KCNN3: variants seen among roughly 807,000 people sequenced by gnomAD.
KCNN3 encodes small conductance calcium-activated potassium channel protein 3.
A neutral mutation model predicts 62.9 loss-of-function variants in KCNN3; 16 were observed. That is an observed-to-expected ratio of 0.25 (90% CI 0.17 to 0.39). KCNN3 has a LOEUF of 0.39. Ranked by LOEUF, KCNN3 falls within the 10% of genes least tolerant of loss-of-function variation. KCNN3 has a pLI of 1.00. For synonymous variants in KCNN3, 370 were observed against 389.2 expected (o/e 0.95, Z 0.58); for missense variants, 599 against 949.4 (o/e 0.63, Z 4.85).
chr1:154,789,667 G>C lies in KCNN3; in HGVS notation c.1030-17274C>G, dbSNP rs533124438. Among the ~76,000 whole-genome samples, 7 of 152,272 alleles carry C rather than the reference G, an allele frequency of 4.6e-5. No individual in the cohort carries two copies. In the South Asian group the frequency reaches 1.5e-3, roughly 32 times the overall value. On this transcript the variant is annotated intron_variant, in intron 2 of 7. Transcript: ENST00000271915. ...CTCCTTCACACCTGCCCTGCCATCG[G>C]AGAGGCGGCACTCAGGACAGGCAGG...
intron 3 of KCNN3, among the ~76,000 whole-genome samples, chr1:154,770,653 A>G (rs1571258378): frequency 6.6e-6 from 1 of 152,326 alleles, no homozygotes; most frequent in African/African-American, 2.4e-5. Flanking sequence ...TAAAATGAGG[A>G]AACTGTAGCC....
intron 3 of KCNN3, among the ~76,000 whole-genome samples, chr1:154,754,561 T>C (rs974345512): frequency 7.2e-5 from 11 of 152,188 alleles, no homozygotes; most frequent in Non-Finnish European, 1.3e-4. Flanking sequence ...GAAATGTCCT[T>C]AACAAGAAAG....
At position 154,726,818 on chromosome 1, in the gene KCNN3, C is replaced by T. The variant is rs117855776; in HGVS notation, c.1591-792G>A. 1.6e-4 allele frequency among the ~76,000 whole-genome samples: 24 copies of T among 152,280 alleles called. No homozygotes were observed. The East Asian group carries it at 3.7e-3, about 23-fold the overall frequency. On this transcript the variant is annotated intron_variant, in intron 4 of 7. Transcript: ENST00000271915. ...AGACCCTTGGGATTTTCTGGAACAG[C>T]GATCCTAGTCTGCTCGGTAGGTCCG...
intron 4 of KCNN3, 131 bp from the exon 5 acceptor site, chr1:154,726,157 T>TG: frequency 3.0e-6 from 2 of 665,086 alleles, no homozygotes. Flanking sequence ...GCTCTCTGGC[T>TG]GGTCACGACC....
intron 1 of KCNN3, among the ~76,000 whole-genome samples, chr1:154,833,345 G>A (rs1651449660): frequency 6.6e-6 from 1 of 152,192 alleles, no homozygotes; most frequent in African/African-American, 2.4e-5. Flanking sequence ...AGGCTCCACA[G>A]ACATCTCTGG....
chr1:154,863,670 A>T (rs1004642969), intron 1 of KCNN3, among the ~76,000 whole-genome samples: 1 of 152,186 alleles, frequency 6.6e-6, no homozygotes, highest in Admixed American at 6.5e-5. Flanking sequence ...ATATTTTTTT[A>T]AAGCAGATCT....
intron 3 of KCNN3, among the ~76,000 whole-genome samples, chr1:154,762,936 G>A (rs1285885792): frequency 2.6e-5 from 4 of 152,102 alleles, no homozygotes; most frequent in Non-Finnish European, 5.9e-5. Context: ...TTTCTTTCTC[G>A]TATATTGGGT....
intron 1 of KCNN3, among the ~76,000 whole-genome samples, chr1:154,843,698 G>A (rs76102976): frequency 0.14 from 21,743 of 152,180 alleles, 1,562 homozygotes; most frequent in South Asian, 0.18. Context: ...AAACCAGGCG[G>A]GGTAGGTGGG....
At chr1:154,732,384 T>C (rs945175594) in intron 4 of KCNN3, among the ~76,000 whole-genome samples, 2 of 152,188 alleles carry the variant, frequency 1.3e-5, no homozygotes, top group African/African-American at 4.8e-5. Flanking sequence ...GGAGATGGGA[T>C]CACAGCCTTG....
chr1:154,832,958 T>A (rs1651433002), intron 1 of KCNN3, among the ~76,000 whole-genome samples: 1 of 152,198 alleles, frequency 6.6e-6, no homozygotes, highest in African/African-American at 2.4e-5. Flanking sequence ...TGAAATAATG[T>A]TGATTTTCAT....
intron 5 of KCNN3, among the ~76,000 whole-genome samples, chr1:154,720,473 G>GTCT (rs1557941212): frequency 6.6e-6 from 1 of 152,204 alleles, no homozygotes; most frequent in Non-Finnish European, 1.5e-5. Context: ...TCCATTAGCA[G>GTCT]TCTTTAGCTA....
At chr1:154,712,332 C>T (rs1204888195) in intron 7 of KCNN3, among the ~76,000 whole-genome samples, 1 of 152,084 alleles carries the variant, frequency 6.6e-6, no homozygotes, top group East Asian at 1.9e-4. Flanking sequence ...TGCCCACGTT[C>T]CACTCCCACC....
chr1:154,804,123 T>C (rs1338985033), intron 2 of KCNN3, among the ~76,000 whole-genome samples: 7 of 152,208 alleles, frequency 4.6e-5, no homozygotes, highest in Non-Finnish European at 1.0e-4. Context: ...AGGGTAGGGC[T>C]AGGATTTGAA....
At chr1:154,838,562 A>G (rs1471733965) in intron 1 of KCNN3, among the ~76,000 whole-genome samples, 2 of 151,602 alleles carry the variant, frequency 1.3e-5, no homozygotes, top group African/African-American at 4.8e-5. Flanking sequence ...GTTTCCCTCA[A>G]CCTTTCCATG....
At position 154,768,539 on chromosome 1, in the gene KCNN3, A is replaced by G. The variant is rs375923899; in HGVS notation, c.1448+3436T>C. On this transcript the variant is annotated intron_variant, in intron 3 of 7. Transcript: ENST00000271915. ...GCAGTGGTAACAGAGGCCTTAGGCG[A>G]TCCCTCAGGGACCCTGGAGCCTGGC... 4.6e-5 allele frequency among the ~76,000 whole-genome samples: 7 copies of G among 152,290 alleles called. No individual in the cohort carries two copies. In the East Asian group the frequency reaches 1.3e-3, roughly 29 times the overall value.
chr1:154,809,701 T>C lies in KCNN3; in HGVS notation c.1029+12388A>G, dbSNP rs1650321085. On this transcript the variant is annotated intron_variant, in intron 2 of 7. Coordinates refer to ENST00000271915, the MANE Select transcript of KCNN3 (RefSeq NM_002249.6). The surrounding 1 kb of genome is among the most constrained non-coding windows in gnomAD (Gnocchi z 4.3). ...GACTAGAATGAAGGGCTGAAACAGC[T>C]GCAGGGAAACGTAACAGAAGAAAAT... is the stretch of plus-strand genomic sequence containing the variant. 6.6e-6 allele frequency among the ~76,000 whole-genome samples: 1 copy of C among 152,126 alleles called. No individual in the cohort carries two copies. Among genetic ancestry groups the C allele is most frequent in the African/African-American group, 2.4e-5 (1 of 41,404 alleles).
intron 2 of KCNN3, among the ~76,000 whole-genome samples, chr1:154,789,701 GGATTCC>G: frequency 6.6e-6 from 1 of 152,200 alleles, no homozygotes; most frequent in East Asian, 1.9e-4. Context: ...GGGCCTTGGG[GGATTCC>G]GAAGGAGGTG....
At chr1:154,744,848 G>T (rs1004064256) in intron 3 of KCNN3, among the ~76,000 whole-genome samples, 4 of 151,462 alleles carry the variant, frequency 2.6e-5, no homozygotes, top group African/African-American at 9.7e-5. Flanking sequence ...GAAATTCAAA[G>T]GCAGCTGAGG....
intron 3 of KCNN3, chr1:154,736,989 T>G (rs1259957071): frequency 2.9e-6 from 2 of 701,052 alleles, no homozygotes; most frequent in Non-Finnish European, 5.2e-6. Context: ...ACATGCACCC[T>G]GCTCTCCAGT....
Sources: gnomAD v4.1 joint callset for allele counts (sites outside exome capture counted in the v4.1 genomes callset) on GRCh38, gnomAD v4.1.1 for gene constraint, Gnocchi (gnomAD v3.1) non-coding constraint, MANE v1.5 for transcripts, NCBI Gene and HGNC (gene_info 2026-07-23, HGNC 2026-07-21) for gene names.